The following OXR1 variants were observed in gnomAD, a reference collection of about 807,000 sequenced individuals.
The protein encoded by OXR1 is oxidation resistance protein 1.
In OXR1, 41 loss-of-function variants were observed where a neutral mutation model predicts 104.6. The observed-to-expected ratio is 0.39, with a 90% CI of 0.31 to 0.51. The LOEUF (loss-of-function observed/expected upper bound fraction) is 0.51. Ranked by LOEUF, OXR1 falls within the 20% of genes least tolerant of loss-of-function variation. OXR1 has a pLI of 0.77. For missense variants in OXR1, 955 were observed against 1,031.9 expected, an observed-to-expected ratio of 0.93 and a Z score of 1.02; for synonymous variants, 348 against 348.4, an observed-to-expected ratio of 1.00 and a Z score of 0.01.
chr8:106,683,608 C>G (rs1214493781), intron 5 of OXR1, among the ~76,000 whole-genome samples: 1 of 151,872 alleles, frequency 6.6e-6, no homozygotes, highest in Non-Finnish European at 1.5e-5. Flanking sequence ...GTAAGGCATC[C>G]CTCCATCTCA....
intron 11 of OXR1, among the ~76,000 whole-genome samples, chr8:106,727,664 A>C (rs1390099000): frequency 1.3e-5 from 2 of 152,028 alleles, no homozygotes; most frequent in African/African-American, 2.4e-5. Context: ...AGCTCAGGAG[A>C]TCTACCTGCC....
intron 2 of OXR1, among the ~76,000 whole-genome samples, chr8:106,482,208 G>T (rs770629451): frequency 6.6e-6 from 1 of 151,988 alleles, no homozygotes; most frequent in Non-Finnish European, 1.5e-5. Flanking sequence ...CCGCATCTTG[G>T]TGGAGGAAGT....
intron 1 of OXR1, among the ~76,000 whole-genome samples, chr8:106,355,612 T>C (rs1363483723): frequency 6.6e-6 from 1 of 152,108 alleles, no homozygotes; most frequent in Non-Finnish European, 1.5e-5. Flanking sequence ...AAATGAATGT[T>C]AGAGTGATTA....
intron 2 of OXR1, among the ~76,000 whole-genome samples, chr8:106,489,363 C>T (rs374439860): frequency 2.2e-4 from 33 of 152,284 alleles, no homozygotes; most frequent in African/African-American, 7.9e-4. Flanking sequence ...CCTGAGAGAG[C>T]ACACCCCAGC....
At chr8:106,590,924 A>G (rs528931812) in intron 3 of OXR1, among the ~76,000 whole-genome samples, 18 of 152,250 alleles carry the variant, frequency 1.2e-4, no homozygotes, top group Admixed American at 1.1e-3. Flanking sequence ...TATTTTTGGT[A>G]GCATGAGTGG....
intron 1 of OXR1, among the ~76,000 whole-genome samples, chr8:106,325,942 T>G (rs1209178575): frequency 6.6e-6 from 1 of 152,214 alleles, no homozygotes; most frequent in African/African-American, 2.4e-5. Context: ...GTTATCTAAG[T>G]GCAATGTATT....
intron 6 of OXR1, among the ~76,000 whole-genome samples, chr8:106,691,014 C>T (rs1038970843): frequency 1.3e-5 from 2 of 151,772 alleles, no homozygotes; most frequent in Non-Finnish European, 1.5e-5. Flanking sequence ...TTTGGAGTTG[C>T]TAATTCATTT....
chr8:106,712,997 A>G (rs530863357), intron 10 of OXR1, among the ~76,000 whole-genome samples: 1 of 152,144 alleles, frequency 6.6e-6, no homozygotes, highest in East Asian at 1.9e-4. Flanking sequence ...CATAAAACTT[A>G]GGAAAACTGC....
rs1816420961 is a variant in OXR1, at chr8:106,365,273, C to CT, written c.23+5638dup. Reference sequence around the variant, plus strand: ...TGGTAAGTTCATGTTGAATGAATGACTGTTTCATTACGGTACTGAGAAGAG... The same window carrying CT: ...TGGTAAGTTCATGTTGAATGAATGACTTGTTTCATTACGGTACTGAGAAGAG... On this transcript the variant is annotated intron_variant, in intron 2 of 16. Transcript: ENST00000517566. Among the ~76,000 whole-genome samples the CT allele has an allele frequency of 2.0e-5, 3 of 151,880 alleles. 1 individual carries two copies. Among genetic ancestry groups the CT allele is most frequent in the Admixed American group, 1.3e-4 (2 of 15,250 alleles).
chr8:106,692,025 A>G (rs1829354899), intron 6 of OXR1, among the ~76,000 whole-genome samples: 1 of 151,364 alleles, frequency 6.6e-6, no homozygotes, highest in Non-Finnish European at 1.5e-5. Flanking sequence ...ACACATATAT[A>G]TATAACTATA....
At chr8:106,321,068 T>G in intron 1 of OXR1, among the ~76,000 whole-genome samples, 1 of 152,218 alleles carries the variant, frequency 6.6e-6, no homozygotes, top group East Asian at 1.9e-4. Context: ...CACAAATCTG[T>G]AGTACTTCAT....
At chr8:106,419,244 C>G (rs1010506369) in intron 2 of OXR1, among the ~76,000 whole-genome samples, 1 of 152,146 alleles carries the variant, frequency 6.6e-6, no homozygotes, top group African/African-American at 2.4e-5. Context: ...TCAGAACTCA[C>G]GGTGACTTAA....
At chr8:106,632,361 A>G (rs1296489337) in intron 3 of OXR1, among the ~76,000 whole-genome samples, 1 of 152,210 alleles carries the variant, frequency 6.6e-6, no homozygotes, top group Non-Finnish European at 1.5e-5. Flanking sequence ...TAAAATCTGA[A>G]CATGTTTTAA....
intron 2 of OXR1, among the ~76,000 whole-genome samples, chr8:106,384,845 G>A (rs746077101): frequency 2.6e-5 from 4 of 151,168 alleles, no homozygotes; most frequent in Admixed American, 2.6e-4. Flanking sequence ...CTCCTGAGTA[G>A]CTGGAATTAC....
rs560274564 is a variant in OXR1 at position 106,596,431 on chromosome 8, A to C, written c.220+77292A>C. The stretch of plus-strand genomic sequence containing the variant: ...ACTGCACTCCAGCCTGGGGACACAG[A>C]GTCTCACTCTGTCTCAAAAAAACAA... On this transcript the variant is annotated intron_variant, in intron 3 of 16. Coordinates refer to ENST00000517566, the MANE Select transcript of OXR1 (RefSeq NM_001198533.2). 1.1e-4 allele frequency among the ~76,000 whole-genome samples: 16 copies of C among 151,646 alleles called. No individual in the cohort carries two copies. In the South Asian group the frequency reaches 3.4e-3, roughly 32 times the overall value.
At chr8:106,415,161 C>T (rs1487257999) in intron 2 of OXR1, among the ~76,000 whole-genome samples, 2 of 152,078 alleles carry the variant, frequency 1.3e-5, no homozygotes, top group Admixed American at 1.3e-4. Context: ...TGTTAAAATG[C>T]CTTAACAGTG....
chr8:106,515,186 T>G (rs894244036), intron 2 of OXR1, among the ~76,000 whole-genome samples: 4 of 152,082 alleles, frequency 2.6e-5, no homozygotes, highest in Non-Finnish European at 5.9e-5. Flanking sequence ...ATCTTCTTTT[T>G]TATTAGTTGA....
At chr8:106,565,201 A>G (rs2130521306) in intron 3 of OXR1, among the ~76,000 whole-genome samples, 1 of 152,328 alleles carries the variant, frequency 6.6e-6, no homozygotes, top group East Asian at 1.9e-4. Context: ...GTGTTTGCAG[A>G]TGACATGATT....
chr8:106,554,709 A>G (rs1816130707), intron 3 of OXR1, among the ~76,000 whole-genome samples: 1 of 152,152 alleles, frequency 6.6e-6, no homozygotes, highest in Non-Finnish European at 1.5e-5. Context: ...AAACCTGGGC[A>G]TTGGGACCTT....
Sources: gnomAD v4.1 joint callset for allele counts (sites outside exome capture counted in the v4.1 genomes callset) on GRCh38, gnomAD v4.1.1 for gene constraint, MANE v1.5 for transcripts, NCBI Gene and HGNC (gene_info 2026-07-23, HGNC 2026-07-21) for gene names.